Variants in ASXL3 observed in about 807,000 individuals in gnomAD.
ASXL3 encodes the protein putative Polycomb group protein ASXL3.
ASXL3 carries 34 observed loss-of-function variants against 170.6 expected under a neutral mutation model. The ratio of observed to expected loss-of-function variants is 0.20; its 90% confidence interval spans 0.15 to 0.27. ASXL3 has a LOEUF of 0.27. Among genes scored for constraint, ASXL3 ranks in the 10% least tolerant of loss-of-function variants. ASXL3 has a pLI of 1.00. For synonymous variants in ASXL3, 1,002 were observed against 989.1 expected (o/e 1.01, Z -0.24); for missense variants, 2,592 against 2,695.3 (o/e 0.96, Z 0.85).
Position 33,738,602 on chromosome 18 carries a change from T to C in ASXL3, c.1198T>C (p.Leu400=), listed in dbSNP as rs762464543. 8.1e-6 allele frequency: 13 copies of C among 1,613,816 alleles called. No homozygotes were observed. In the South Asian group the frequency reaches 1.4e-4, roughly 18 times the overall value. ...SGLPVSAQTA[L]AEQQPKSMKS... ...CCTTCCAGTTTCTGCACAGACAGCC[T>C]TGGCAGAACAACAGCCAAAAAGCAT... The change falls in exon 11 of 12, where the codon TTG becomes CTG. Residue 400 remains leucine, a synonymous_variant. Transcript: ENST00000269197.
chr18:33,678,198 G>T (rs1321269415), intron 7 of ASXL3, among the ~76,000 whole-genome samples: 1 of 152,044 alleles, frequency 6.6e-6, no homozygotes, highest in South Asian at 2.1e-4. Context: ...GAGTAGCTGG[G>T]ATTACAGGAA....
intron 4 of ASXL3, chr18:33,649,591 A>T (rs2065966209): frequency 6.6e-6 from 1 of 152,090 alleles, no homozygotes; most frequent in Non-Finnish European, 1.5e-5. Flanking sequence ...GTTCGGGACC[A>T]CTCTACAAGT....
chr18:33,658,253 C>T (rs568895785), intron 4 of ASXL3, among the ~76,000 whole-genome samples: 1 of 152,070 alleles, frequency 6.6e-6, no homozygotes, highest in Non-Finnish European at 1.5e-5. Context: ...AATATTCAGG[C>T]AACTGTTTAA....
At chr18:33,674,728 G>C (rs748100546) in intron 7 of ASXL3, among the ~76,000 whole-genome samples, 11 of 151,294 alleles carry the variant, frequency 7.3e-5, no homozygotes, top group Non-Finnish European at 1.6e-4. Flanking sequence ...ACCCCATTCT[G>C]CTGCCTCAAC....
At position 33,702,866 on chromosome 18, in the gene ASXL3, GATA is replaced by G. The variant is rs202220272; in HGVS notation, c.879+19304_879+19306del. ...GCAATGGGGATAAAATTATTAGGGA[GATA>G]ATAATCACTGCTCAAGATTTTATAA... is the stretch of plus-strand genomic sequence containing the variant. On this transcript the variant is annotated intron_variant, in intron 8 of 11. Transcript: ENST00000269197. 5.3e-5 allele frequency among the ~76,000 whole-genome samples: 8 copies of G among 152,240 alleles called. No individual in the cohort carries two copies. In the East Asian group the frequency reaches 1.5e-3, roughly 29 times the overall value.
chr18:33,741,325 A>T (rs7230319), intron 11 of ASXL3, among the ~76,000 whole-genome samples: 93,894 of 151,964 alleles, frequency 0.62, 30,355 homozygotes, highest in East Asian at 0.9. Flanking sequence ...AAATGTTCTG[A>T]ATCTTAATTG....
At chr18:33,673,373 AT>A (rs150226666) in intron 7 of ASXL3, among the ~76,000 whole-genome samples, 22,744 of 138,558 alleles carry the variant, frequency 0.16, 2,967 homozygotes, top group African/African-American at 0.39. Context: ...GATCTTCAGT[AT>A]TTTTTTTTTT....
chr18:33,644,862 C>T lies in ASXL3; in HGVS notation c.138-32C>T, dbSNP rs1261410956. ...TTTGCAATAGAAGCTGTACCTCAGA[C>T]TGCTTCATTTTTGCACACTTTTATT... On this transcript the variant is annotated intron_variant, in intron 2 of 11. Coordinates refer to ENST00000269197, the MANE Select transcript of ASXL3 (RefSeq NM_030632.3). 2.8e-6 allele frequency: 4 copies of T among 1,417,480 alleles called. No homozygotes were observed. The East Asian group carries it at 1.0e-4, about 35-fold the overall frequency. 87.8% of individuals were successfully genotyped at this position (1,417,480 alleles called of 1,614,324 possible).
chr18:33,629,428 T>C (rs1325852674), intron 2 of ASXL3, among the ~76,000 whole-genome samples: 1 of 152,058 alleles, frequency 6.6e-6, no homozygotes, highest in Non-Finnish European at 1.5e-5. Context: ...TTTAGGAAGA[T>C]TGAAAAATGA....
intron 8 of ASXL3, among the ~76,000 whole-genome samples, chr18:33,727,865 T>G (rs2067376084): frequency 6.6e-6 from 1 of 152,194 alleles, no homozygotes; most frequent in Non-Finnish European, 1.5e-5. Context: ...GTATTTAATT[T>G]TACTGTCTGT....
At chr18:33,647,154 A>C (rs1390281274) in intron 4 of ASXL3, among the ~76,000 whole-genome samples, 1 of 152,050 alleles carries the variant, frequency 6.6e-6, no homozygotes, top group African/African-American at 2.4e-5. Flanking sequence ...GACAAACCTT[A>C]AAGGATGTTT....
At chr18:33,614,315 T>G (rs562162044) in intron 2 of ASXL3, 2 of 152,274 alleles carry the variant, frequency 1.3e-5, no homozygotes, top group African/African-American at 4.8e-5. Flanking sequence ...AGAAACTACC[T>G]TCATTACATA....
intron 7 of ASXL3, among the ~76,000 whole-genome samples, chr18:33,675,956 TG>T (rs1025200360): frequency 6.6e-6 from 1 of 152,018 alleles, no homozygotes; most frequent in African/African-American, 2.4e-5. Context: ...CTGGGTGCAG[TG>T]GCTCACACCT....
At chr18:33,640,441 G>A (rs2065827863) in intron 2 of ASXL3, among the ~76,000 whole-genome samples, 1 of 152,004 alleles carries the variant, frequency 6.6e-6, no homozygotes, top group African/African-American at 2.4e-5. Flanking sequence ...TGAGTTGTCA[G>A]TTGATGTACA....
At chr18:33,742,854 G>A (rs946169488) in intron 11 of ASXL3, 34 bp from the exon 12 acceptor site, 3 of 1,555,116 alleles carry the variant, frequency 1.9e-6, no homozygotes, top group African/African-American at 2.8e-5. Context: ...CATGTATGAA[G>A]CACATTATAT....
intron 8 of ASXL3, among the ~76,000 whole-genome samples, chr18:33,708,940 C>T (rs192583242): frequency 2.3e-4 from 35 of 152,254 alleles, no homozygotes; most frequent in African/African-American, 8.2e-4. Flanking sequence ...TACAGTCACT[C>T]ATTAATGCTA....
chr18:33,721,865 T>A (rs965177397), intron 8 of ASXL3, among the ~76,000 whole-genome samples: 2 of 152,102 alleles, frequency 1.3e-5, no homozygotes, highest in African/African-American at 2.4e-5. Context: ...ATTCCATTTT[T>A]CCAACAGCAT....
intron 8 of ASXL3, among the ~76,000 whole-genome samples, chr18:33,685,683 C>T (rs2066583003): frequency 6.6e-6 from 1 of 152,150 alleles, no homozygotes; most frequent in African/African-American, 2.4e-5. Context: ...ATACTGTTGG[C>T]ATTTGCTTCT....
intron 2 of ASXL3, among the ~76,000 whole-genome samples, chr18:33,629,968 T>C (rs556080615): frequency 1.3e-5 from 2 of 152,160 alleles, no homozygotes; most frequent in Non-Finnish European, 2.9e-5. Flanking sequence ...CTGGTTTTAA[T>C]GTACGGAAGA....
Sources: gnomAD v4.1 joint callset for allele counts (sites outside exome capture counted in the v4.1 genomes callset) on GRCh38, gnomAD v4.1.1 for gene constraint, MANE v1.5 for transcripts, NCBI Gene and HGNC (gene_info 2026-07-23, HGNC 2026-07-21) for gene names.